Variants in DSCAM observed in about 807,000 individuals in gnomAD.
DSCAM encodes cell adhesion molecule DSCAM.
Under a neutral mutation model 217.7 loss-of-function variants are expected in DSCAM, and 47 were observed. That is an observed-to-expected ratio of 0.22 (90% CI 0.17 to 0.28). DSCAM has a LOEUF of 0.28. DSCAM is among the 10% of genes least tolerant of loss of function. The pLI is 1.00. For missense variants in DSCAM, 2,080 were observed against 2,618.3 expected (o/e 0.79, Z 4.49); for synonymous variants, 1,056 against 1,015.3 (o/e 1.04, Z -0.76).
At position 40,708,458 on chromosome 21, in the gene DSCAM, C is replaced by G; in HGVS notation, c.357G>C (p.Lys119Asn). 6.6e-7 allele frequency: 1 copy of G among 1,503,946 alleles called. No homozygotes were observed. The highest frequency in any genetic ancestry group is 8.9e-7 in the Non-Finnish European group (1 of 1,123,434). 93.2% of individuals were successfully genotyped at this position (1,503,946 alleles called of 1,614,324 possible). A position where few individuals can be genotyped will look rare whatever the true frequency, so the allele number is the denominator to read the frequency against. Reference sequence around the variant, plus strand: ...AAAGCCCAGAGCTGTACTCACCAGCCTTGATGTGGACATCCTGACTTCTAA... The same window carrying G: ...AAAGCCCAGAGCTGTACTCACCAGCGTTGATGTGGACATCCTGACTTCTAA... ...GKIRSQDVHI[K>N]AVLREPYTVR... is the part of the protein sequence containing the mutation. Residue 119 changes from lysine (K) to asparagine (N), a missense_variant, in exon 2 of 33, where the codon AAG (lysine) becomes AAC (asparagine). By Grantham distance (94) the Lys-to-Asn change is moderately conservative (BLOSUM62 0). Transcript: ENST00000400454.
rs1227186933 is a variant in DSCAM at position 40,116,720 on chromosome 21, C to T, written c.3696+7475G>A. ...TTAAAAAAAAAAAAAGAGAGAGATT[C>T]GACCGGGCGCGGTGGCTCACGCCTG... On this transcript the variant is annotated intron_variant, in intron 20 of 32. Coordinates refer to ENST00000400454, the MANE Select transcript of DSCAM (RefSeq NM_001389.5). 5.3e-5 allele frequency among the ~76,000 whole-genome samples: 8 copies of T among 151,050 alleles called. No individual in the cohort carries two copies. The South Asian group carries it at 6.3e-4, about 12-fold the overall frequency.
intron 10 of DSCAM, among the ~76,000 whole-genome samples, chr21:40,289,133 G>GA (rs2073861721): frequency 6.6e-6 from 1 of 152,224 alleles, no homozygotes; most frequent in Non-Finnish European, 1.5e-5. Context: ...GAGAAGCCTA[G>GA]AAAAATGTAA....
intron 3 of DSCAM, among the ~76,000 whole-genome samples, chr21:40,591,220 C>T (rs1045187784): frequency 6.6e-6 from 1 of 152,170 alleles, no homozygotes; most frequent in African/African-American, 2.4e-5. Context: ...CCTGGGGCTT[C>T]CCTAGCCATG....
intron 3 of DSCAM, among the ~76,000 whole-genome samples, chr21:40,634,148 G>T (rs1029751661): frequency 6.6e-6 from 1 of 152,090 alleles, no homozygotes; most frequent in Non-Finnish European, 1.5e-5. Context: ...CTTGATGAAC[G>T]GTTAATGGAG....
rs1400376915 is a variant in DSCAM at position 40,011,209 on chromosome 21, G to A, written c.*1825C>T. The A allele has an allele frequency of 6.6e-6, 1 of 152,104 alleles. No individual in the cohort carries two copies. Among genetic ancestry groups the A allele is most frequent in the Non-Finnish European group, 1.5e-5 (1 of 68,012 alleles). The allele number at this position is 152,104 out of a possible 1,614,324, so 9.4% of individuals were successfully genotyped here. ...AACACGGATTACATTCTGAAACCATGGATGCACACCTCACATTCCTGGAGT... is the reference window on the plus strand; with the variant it reads ...AACACGGATTACATTCTGAAACCATAGATGCACACCTCACATTCCTGGAGT... On this transcript the variant is annotated 3_prime_UTR_variant, in exon 33 of 33. Transcript: ENST00000400454.
At chr21:40,494,320 G>A (rs1302046795) in intron 3 of DSCAM, among the ~76,000 whole-genome samples, 3 of 152,142 alleles carry the variant, frequency 2.0e-5, no homozygotes, top group African/African-American at 7.2e-5. Flanking sequence ...AGTCACTTCA[G>A]ATTTAAGGAC....
At chr21:40,798,520 GA>G (rs1288198837) in intron 1 of DSCAM, among the ~76,000 whole-genome samples, 1 of 151,936 alleles carries the variant, frequency 6.6e-6, no homozygotes, top group Non-Finnish European at 1.5e-5. Context: ...CACCAAAAAA[GA>G]AATGAGCAAA....
At chr21:40,048,466 T>G (rs959567011) in intron 30 of DSCAM, among the ~76,000 whole-genome samples, 10 of 152,200 alleles carry the variant, frequency 6.6e-5, no homozygotes, top group South Asian at 4.1e-4. Flanking sequence ...AGCCAAGGGA[T>G]GTGTTTTCAC....
At chr21:40,516,422 C>G (rs1302272720) in intron 3 of DSCAM, among the ~76,000 whole-genome samples, 1 of 152,156 alleles carries the variant, frequency 6.6e-6, no homozygotes, top group Non-Finnish European at 1.5e-5. Context: ...AAAACACTGG[C>G]AGTTCCTGTT....
At chr21:40,629,890 C>G (rs1006303116) in intron 3 of DSCAM, among the ~76,000 whole-genome samples, 2 of 152,060 alleles carry the variant, frequency 1.3e-5, no homozygotes, top group African/African-American at 4.8e-5. Context: ...CATATACATA[C>G]AGATTAATAA....
intron 14 of DSCAM, among the ~76,000 whole-genome samples, chr21:40,185,094 T>C (rs2090878977): frequency 6.6e-6 from 1 of 152,158 alleles, no homozygotes; most frequent in African/African-American, 2.4e-5. Context: ...AAGGAGCCTC[T>C]AGCGTGGTGG....
intron 3 of DSCAM, among the ~76,000 whole-genome samples, chr21:40,547,634 A>T (rs138591508): frequency 6.6e-6 from 1 of 152,144 alleles, no homozygotes; most frequent in African/African-American, 2.4e-5. Flanking sequence ...AGTTTCCTGC[A>T]CAAGTACAAA....
At chr21:40,200,915 T>C (rs369819400) in intron 11 of DSCAM, among the ~76,000 whole-genome samples, 32 of 152,356 alleles carry the variant, frequency 2.1e-4, no homozygotes, top group Admixed American at 6.5e-4. Flanking sequence ...CAAATACTTA[T>C]TGTTCATAAG....
intron 1 of DSCAM, among the ~76,000 whole-genome samples, chr21:40,799,760 T>C (rs544740204): frequency 6.6e-6 from 1 of 152,372 alleles, no homozygotes; most frequent in African/African-American, 2.4e-5. Flanking sequence ...CTTTCTCTTT[T>C]AAAGATTCTT....
intron 20 of DSCAM, among the ~76,000 whole-genome samples, chr21:40,112,092 C>T (rs373501247): frequency 0.067 from 9,133 of 136,390 alleles, 422 homozygotes; most frequent in Non-Finnish European, 0.094. Context: ...GAACTCTCCA[C>T]CCCAAATCAA....
chr21:40,762,699 T>C (rs779092634), intron 1 of DSCAM, among the ~76,000 whole-genome samples: 4 of 152,158 alleles, frequency 2.6e-5, no homozygotes. Context: ...TGAACATCGA[T>C]GCAAAAATCC....
chr21:40,206,147 C>T (rs760665561), intron 11 of DSCAM, among the ~76,000 whole-genome samples: 15 of 152,190 alleles, frequency 9.9e-5, no homozygotes, highest in South Asian at 2.1e-4. Flanking sequence ...AATGTCAGTG[C>T]GTCTAGGTAA....
intron 2 of DSCAM, among the ~76,000 whole-genome samples, chr21:40,700,644 G>A (rs187815478): frequency 1.5e-4 from 23 of 151,828 alleles, no homozygotes; most frequent in African/African-American, 4.6e-4. Flanking sequence ...TATGTATTAG[G>A]GTAATGCTAA....
intron 9 of DSCAM, among the ~76,000 whole-genome samples, chr21:40,308,610 A>G (rs1034320900): frequency 2.0e-5 from 3 of 151,994 alleles, no homozygotes; most frequent in Non-Finnish European, 4.4e-5. Flanking sequence ...TGTTTTCTCC[A>G]CCTGCCAAGA....
Sources: allele counts gnomAD v4.1 joint callset (sites outside exome capture counted in the v4.1 genomes callset), GRCh38; gene constraint gnomAD v4.1.1; transcripts MANE v1.5; gene names NCBI Gene and HGNC (gene_info 2026-07-23, HGNC 2026-07-21).